Variants in NDRG3 observed in about 807,000 individuals in gnomAD.
The protein encoded by NDRG3 is protein NDRG3.
In NDRG3, 23 loss-of-function variants were observed where a neutral mutation model predicts 57.2. The observed-to-expected ratio is 0.40, with a 90% CI of 0.29 to 0.57. NDRG3 has a LOEUF of 0.57. Among genes scored for constraint, NDRG3 ranks in the 20% least tolerant of loss-of-function variants. NDRG3 has a pLI of 0.42. For synonymous variants in NDRG3, 132 were observed against 162.6 expected (o/e 0.81, Z 1.43); for missense variants, 384 against 457.3 (o/e 0.84, Z 1.46).
intron 1 of NDRG3, among the ~76,000 whole-genome samples, chr20:36,737,755 C>T (rs899437327): frequency 4.3e-4 from 65 of 152,012 alleles, no homozygotes; most frequent in African/African-American, 1.5e-3. Flanking sequence ...GGTTAGGTTA[C>T]GGGAGCTTAC....
At chr20:36,687,654 T>C in intron 4 of NDRG3, 42 bp from the exon 5 acceptor site, 1 of 1,590,112 alleles carries the variant, frequency 6.3e-7, no homozygotes, top group South Asian at 1.1e-5. Flanking sequence ...GCTCTCCATA[T>C]CGCCCCAATT....
chr20:36,712,184 T>C (rs1260089513), intron 2 of NDRG3, among the ~76,000 whole-genome samples: 1 of 151,372 alleles, frequency 6.6e-6, no homozygotes, highest in Non-Finnish European at 1.5e-5. Flanking sequence ...CCCTGGAAAA[T>C]GGGAATGACT....
intron 1 of NDRG3, among the ~76,000 whole-genome samples, chr20:36,727,829 C>T (rs1985037608): frequency 6.6e-6 from 1 of 152,116 alleles, no homozygotes; most frequent in South Asian, 2.1e-4. Context: ...GCATGAGCCA[C>T]CGTGCCCGGC....
At chr20:36,675,759 C>T (rs541940537) in intron 8 of NDRG3, among the ~76,000 whole-genome samples, 5 of 151,464 alleles carry the variant, frequency 3.3e-5, no homozygotes, top group African/African-American at 7.3e-5. Flanking sequence ...TGGGCTCAAG[C>T]GATCCTCCTG....
chr20:36,721,510 A>G (rs1357863434), intron 2 of NDRG3, among the ~76,000 whole-genome samples, 169 bp downstream of exon 2: 1 of 152,062 alleles, frequency 6.6e-6, no homozygotes, highest in Non-Finnish European at 1.5e-5. Flanking sequence ...GCCTGGCAAC[A>G]GAGTGAGACA....
At chr20:36,710,041 C>T (rs372979921) in intron 2 of NDRG3, among the ~76,000 whole-genome samples, 16 of 152,168 alleles carry the variant, frequency 1.1e-4, no homozygotes, top group African/African-American at 3.6e-4. Flanking sequence ...ACTAAAAGGC[C>T]GGGCACAGTG....
intron 2 of NDRG3, among the ~76,000 whole-genome samples, chr20:36,720,706 T>C (rs1286786861): frequency 6.6e-6 from 1 of 152,094 alleles, no homozygotes; most frequent in Non-Finnish European, 1.5e-5. Context: ...ATTTTCCTTA[T>C]TGAAACTGAA....
chr20:36,740,942 GC>G (rs1340174842), intron 1 of NDRG3, among the ~76,000 whole-genome samples: 2 of 152,002 alleles, frequency 1.3e-5, no homozygotes, highest in Non-Finnish European at 2.9e-5. Flanking sequence ...CCATAATCAA[GC>G]TAGCTAAGTT....
intron 8 of NDRG3, among the ~76,000 whole-genome samples, chr20:36,678,097 T>C (rs956446711): frequency 4.6e-5 from 7 of 152,162 alleles, no homozygotes; most frequent in African/African-American, 1.7e-4. Context: ...TCCTTCCTTT[T>C]TGAGTTAGCA....
intron 2 of NDRG3, among the ~76,000 whole-genome samples, chr20:36,719,770 G>A (rs1399414175): frequency 1.3e-5 from 2 of 149,142 alleles, no homozygotes; most frequent in African/African-American, 4.9e-5. Flanking sequence ...AGCTACAAGA[G>A]TATTTCAAGA....
At chr20:36,707,281 T>C (rs567042259) in intron 2 of NDRG3, among the ~76,000 whole-genome samples, 1 of 152,286 alleles carries the variant, frequency 6.6e-6, no homozygotes, top group African/African-American at 2.4e-5. Flanking sequence ...CTTCTTGCCT[T>C]CCTACCTAAG....
chr20:36,673,605 C>T (rs892325448), intron 8 of NDRG3, among the ~76,000 whole-genome samples: 1 of 152,066 alleles, frequency 6.6e-6, no homozygotes, highest in African/African-American at 2.4e-5. Context: ...TGGGTTTCAC[C>T]ATGTTGGCCA....
Position 36,746,076 on chromosome 20 carries a change from AGCAGCGGCG to A in NDRG3, c.-89_-81del, listed in dbSNP as rs1555809891. The A allele has an allele frequency of 2.7e-5, 8 of 291,646 alleles. No individual in the cohort carries two copies. The highest frequency in any genetic ancestry group is 1.8e-3 in the Middle Eastern group (2 of 1,126). The allele number at this position is 291,646 out of a possible 1,614,324, so 18.1% of individuals were successfully genotyped here. On this transcript the variant is annotated 5_prime_UTR_variant, in exon 1 of 16. Coordinates refer to ENST00000349004, the MANE Select transcript of NDRG3 (RefSeq NM_032013.4). ...CGCGGGCACCCGCCGTCAGTGCAGC[AGCAGCGGCG>A]GCGGCGGCGGCGGCGGCGGCGGCGG...
chr20:36,658,131 TA>T (rs1164443980), intron 13 of NDRG3, among the ~76,000 whole-genome samples: 5 of 152,052 alleles, frequency 3.3e-5, no homozygotes, highest in African/African-American at 7.2e-5. Context: ...ACTATAAACT[TA>T]AAAAAAAATT....
chr20:36,704,611 A>G (rs2148164398), intron 3 of NDRG3, among the ~76,000 whole-genome samples: 1 of 152,346 alleles, frequency 6.6e-6, no homozygotes, highest in African/African-American at 2.4e-5. Flanking sequence ...GTTAGATCAA[A>G]TTAAAAACAA....
chr20:36,673,369 G>A (rs1176088071), intron 8 of NDRG3, among the ~76,000 whole-genome samples: 17 of 151,698 alleles, frequency 1.1e-4, no homozygotes, highest in Admixed American at 7.9e-4. Context: ...AAGAAATTAC[G>A]AAAAAACAGA....
intron 10 of NDRG3, among the ~76,000 whole-genome samples, chr20:36,665,691 C>T (rs1028194570): frequency 6.6e-6 from 1 of 152,044 alleles, no homozygotes. Context: ...CTCCGCCTCC[C>T]GGGTTCAAGC....
At chr20:36,723,095 C>G (rs556999593) in intron 1 of NDRG3, among the ~76,000 whole-genome samples, 1 of 152,306 alleles carries the variant, frequency 6.6e-6, no homozygotes, top group East Asian at 1.9e-4. Flanking sequence ...CCAGGGACAC[C>G]TGACTGCAAC....
chr20:36,688,570 C>A, intron 4 of NDRG3, 109 bp downstream of exon 4: 1 of 803,458 alleles, frequency 1.2e-6, no homozygotes, highest in South Asian at 1.6e-5. Context: ...GGGAAAGTTA[C>A]CACAGAGAGG....
Sources: gnomAD v4.1 joint callset for allele counts (sites outside exome capture counted in the v4.1 genomes callset) on GRCh38, gnomAD v4.1.1 for gene constraint, MANE v1.5 for transcripts, NCBI Gene and HGNC (gene_info 2026-07-23, HGNC 2026-07-21) for gene names.